Variants in CTNNA3 observed in about 807,000 individuals in gnomAD.
CTNNA3 encodes the protein catenin alpha-3.
CTNNA3 carries 76 observed loss-of-function variants against 95.7 expected under a neutral mutation model. That is an observed-to-expected ratio of 0.79 (90% CI 0.66 to 0.96). The LOEUF (loss-of-function observed/expected upper bound fraction) is 0.96, where lower values mean the gene tolerates loss of function less well. Among genes scored for constraint, CTNNA3 ranks in the 40% least tolerant of loss-of-function variants. The pLI is 0.00. For missense variants in CTNNA3, 1,191 were observed against 1,089.8 expected (o/e 1.09, Z -1.31); for synonymous variants, 431 against 374.4 (o/e 1.15, Z -1.74).
intron 5 of CTNNA3, among the ~76,000 whole-genome samples, chr10:67,394,302 A>G (rs1028841077): frequency 2.0e-5 from 3 of 147,088 alleles, no homozygotes; most frequent in African/African-American, 7.4e-5. Context: ...ATGAATATCA[A>G]AAAAAAAAAA....
intron 1 of CTNNA3, among the ~76,000 whole-genome samples, chr10:67,665,028 A>G (rs1840296319): frequency 6.6e-6 from 1 of 152,234 alleles, no homozygotes; most frequent in African/African-American, 2.4e-5. Context: ...TTGTGTCTAA[A>G]GTATGTAAAG....
intron 5 of CTNNA3, among the ~76,000 whole-genome samples, chr10:67,300,120 T>C (rs1457849264): frequency 2.0e-5 from 3 of 152,190 alleles, no homozygotes; most frequent in African/African-American, 7.2e-5. Context: ...CCCAGCAACC[T>C]GGGTTTTAGC....
At chr10:66,591,690 G>A (rs760669042) in intron 10 of CTNNA3, among the ~76,000 whole-genome samples, 1 of 151,964 alleles carries the variant, frequency 6.6e-6, no homozygotes, top group Non-Finnish European at 1.5e-5. Context: ...TTCCCACATA[G>A]TATTCTCTCT....
chr10:67,603,972 AT>A (rs1283424287), intron 3 of CTNNA3, among the ~76,000 whole-genome samples: 2 of 152,000 alleles, frequency 1.3e-5, no homozygotes, highest in Non-Finnish European at 2.9e-5. Context: ...CCATTTTTTA[AT>A]TTTTTATACC....
chr10:67,453,656 G>C (rs906136195), intron 5 of CTNNA3, among the ~76,000 whole-genome samples: 6 of 152,210 alleles, frequency 3.9e-5, no homozygotes, highest in African/African-American at 1.2e-4. Context: ...TTCAGAGCAA[G>C]CTTCATTAAT....
At chr10:66,124,074 T>C (rs1024310059) in intron 13 of CTNNA3, among the ~76,000 whole-genome samples, 2 of 152,182 alleles carry the variant, frequency 1.3e-5, no homozygotes, top group Admixed American at 1.3e-4. Flanking sequence ...GAAAATGGGA[T>C]TTTCTTTTCT....
chr10:66,440,989 C>G (rs929359840), intron 11 of CTNNA3, among the ~76,000 whole-genome samples: 1 of 152,008 alleles, frequency 6.6e-6, no homozygotes, highest in African/African-American at 2.4e-5. Flanking sequence ...TAAGTGAGTT[C>G]CTACTATGTA....
intron 11 of CTNNA3, among the ~76,000 whole-genome samples, chr10:66,414,421 A>G (rs535759779): frequency 8.5e-5 from 13 of 152,292 alleles, no homozygotes; most frequent in South Asian, 2.1e-4. Context: ...AGACTCCCCA[A>G]TAGAGGGAAA....
intron 1 of CTNNA3, among the ~76,000 whole-genome samples, chr10:67,718,110 G>T (rs535709528): frequency 6.6e-6 from 1 of 151,710 alleles, no homozygotes. Context: ...TCATGATTTG[G>T]CTTTCTGTCT....
intron 11 of CTNNA3, among the ~76,000 whole-genome samples, chr10:66,501,848 T>G (rs557154270): frequency 7.2e-5 from 11 of 152,234 alleles, no homozygotes; most frequent in African/African-American, 2.6e-4. Context: ...GCAAAGGCTT[T>G]CATCAAAATC....
At chr10:66,351,507 C>A (rs1429671253) in intron 12 of CTNNA3, among the ~76,000 whole-genome samples, 1 of 151,922 alleles carries the variant, frequency 6.6e-6, no homozygotes, top group Admixed American at 6.6e-5. Flanking sequence ...TACATTTATT[C>A]AGGAACATTT....
chr10:66,389,814 T>C (rs1369542834), intron 11 of CTNNA3, among the ~76,000 whole-genome samples: 2 of 151,638 alleles, frequency 1.3e-5, no homozygotes, highest in East Asian at 1.9e-4. Flanking sequence ...TCATAGCTCA[T>C]TGCAACCTCA....
In CTNNA3 at chr10:67,219,870, C is replaced by T. The variant is rs780086219; in HGVS notation, c.580G>A (p.Asp194Asn). The T allele has an allele frequency of 1.2e-6, 2 of 1,600,630 alleles. No homozygotes were observed. Among genetic ancestry groups the T allele is most frequent in the South Asian group, 1.1e-5 (1 of 89,592 alleles). Residue 194 changes from aspartate to asparagine, a missense_variant and splice_region_variant, in exon 6 of 18, where the codon GAC becomes AAC. By Grantham distance (23) the Asp-to-Asn change is conservative (BLOSUM62 1). Coordinates refer to ENST00000433211, the MANE Select transcript of CTNNA3 (RefSeq NM_013266.4). Reference sequence around the variant, plus strand: ...TCTCTCTGATTTGGAGATTTTAAGTCCTGAGAAGGTAAATAAAAAGAGTGG... The same window carrying T: ...TCTCTCTGATTTGGAGATTTTAAGTTCTGAGAAGGTAAATAAAAAGAGTGG... ...LDYLAFKRQQ[D>N]LKSPNQRDEI...
intron 9 of CTNNA3, among the ~76,000 whole-genome samples, chr10:66,685,221 A>ATATATATACGTATATATGTGTG (rs1401810435): frequency 0.027 from 3,250 of 121,264 alleles, 211 homozygotes; most frequent in Middle Eastern, 0.055. Context: ...ATATATGTGT[A>ATATATATACGTATATATGTGTG]TATATATACG....
At chr10:66,888,417 T>C (rs1170175212) in intron 7 of CTNNA3, among the ~76,000 whole-genome samples, 1 of 152,146 alleles carries the variant, frequency 6.6e-6, no homozygotes, top group African/African-American at 2.4e-5. Context: ...TACCGAACTA[T>C]GAGAAAATAA....
chr10:66,590,670 C>T (rs1411286164), intron 10 of CTNNA3, among the ~76,000 whole-genome samples: 1 of 151,902 alleles, frequency 6.6e-6, no homozygotes, highest in Non-Finnish European at 1.5e-5. Context: ...TTAACATAGT[C>T]ATGTAACATG....
At chr10:66,186,056 T>TA (rs1291551084) in intron 13 of CTNNA3, among the ~76,000 whole-genome samples, 1 of 151,990 alleles carries the variant, frequency 6.6e-6, no homozygotes, top group African/African-American at 2.4e-5. Flanking sequence ...TTCTAGTGTT[T>TA]AACTGCACAG....
At chr10:66,912,598 C>CTATTTCCT (rs1846267851) in intron 7 of CTNNA3, among the ~76,000 whole-genome samples, 2 of 151,940 alleles carry the variant, frequency 1.3e-5, no homozygotes, top group Admixed American at 1.3e-4. Flanking sequence ...AACACAACAC[C>CTATTTCCT]AGGAAGAGTC....
chr10:66,155,892 C>T lies in CTNNA3; in HGVS notation c.1885-52643G>A, dbSNP rs2394193. Among the ~76,000 whole-genome samples the T allele has an allele frequency of 6.6e-3, 1,001 of 151,312 alleles. 29 individuals carry two copies. Among genetic ancestry groups the T allele is most frequent in the Admixed American group, 0.043 (654 of 15,080 alleles). On this transcript the variant is annotated intron_variant, in intron 13 of 17. Coordinates refer to ENST00000433211, the MANE Select transcript of CTNNA3 (RefSeq NM_013266.4). ...TGAATCCACAGTGTGAGGAGCGTTT[C>T]CCAGAATAAAGAAAGAACTCAAAAA...
Sources: gnomAD v4.1 joint callset for allele counts (sites outside exome capture counted in the v4.1 genomes callset) on GRCh38, gnomAD v4.1.1 for gene constraint, MANE v1.5 for transcripts, NCBI Gene and HGNC (gene_info 2026-07-23, HGNC 2026-07-21) for gene names.